Variants in PARD3B observed in about 807,000 individuals in gnomAD.
PARD3B encodes partitioning defective 3 homolog B.
A neutral mutation model predicts 130.2 loss-of-function variants in PARD3B; 103 were observed. That is an observed-to-expected ratio of 0.79 (90% CI 0.67 to 0.93). The LOEUF (loss-of-function observed/expected upper bound fraction) is 0.93, where lower values mean the gene tolerates loss of function less well. Ranked by LOEUF, PARD3B falls within the 40% of genes least tolerant of loss-of-function variation. The pLI is 0.00. For missense variants in PARD3B, 1,609 were observed against 1,499.2 expected, an observed-to-expected ratio of 1.07 and a Z score of -1.21; for synonymous variants, 583 against 553.2, an observed-to-expected ratio of 1.05 and a Z score of -0.76.
chr2:205,118,963 G>A lies in PARD3B; in HGVS notation c.723G>A (p.Arg241=), dbSNP rs753070710. Residue 241 remains arginine, a synonymous_variant, in exon 7 of 23, where the codon AGG becomes AGA. Coordinates refer to ENST00000406610, the MANE Select transcript of PARD3B (RefSeq NM_001302769.2). ...LFIRGIEDNS[R]SKREGLFHEN... ...TCCGAGGCATTGAAGACAACAGCAG[G>A]TCCAAGCGGGAGGGACTATTTCACG... The A allele has an allele frequency of 1.2e-6, 2 of 1,612,036 alleles. No individual in the cohort carries two copies. The highest frequency in any genetic ancestry group is 3.4e-5 in the Admixed American group (2 of 59,696).
chr2:205,537,647 T>C (rs2051922851), intron 21 of PARD3B, among the ~76,000 whole-genome samples: 1 of 152,154 alleles, frequency 6.6e-6, no homozygotes, highest in African/African-American at 2.4e-5. Context: ...AGGTCAGTAG[T>C]TGGAGATGGA....
At chr2:204,562,443 C>T (rs189140413) in intron 1 of PARD3B, among the ~76,000 whole-genome samples, 3 of 152,242 alleles carry the variant, frequency 2.0e-5, no homozygotes, top group Admixed American at 1.3e-4. Context: ...GATTATAATG[C>T]CACGTACCTT....
chr2:205,085,569 T>G (rs1701693843), intron 4 of PARD3B, among the ~76,000 whole-genome samples: 1 of 152,046 alleles, frequency 6.6e-6, no homozygotes, highest in South Asian at 2.1e-4. Context: ...CATGATATGA[T>G]TTTTTCCTTT....
At chr2:204,747,890 T>C (rs1320056603) in intron 2 of PARD3B, among the ~76,000 whole-genome samples, 4 of 152,124 alleles carry the variant, frequency 2.6e-5, no homozygotes, top group African/African-American at 9.7e-5. Context: ...TCGCATTTAC[T>C]AGGCTTAGGC....
At chr2:205,557,359 A>G (rs2052936008) in intron 22 of PARD3B, among the ~76,000 whole-genome samples, 1 of 152,196 alleles carries the variant, frequency 6.6e-6, no homozygotes, top group African/African-American at 2.4e-5. Flanking sequence ...AGTTCTACGA[A>G]GATGACTAAA....
chr2:204,685,146 C>T (rs555356062), intron 1 of PARD3B, among the ~76,000 whole-genome samples: 1 of 152,236 alleles, frequency 6.6e-6, no homozygotes, highest in South Asian at 2.1e-4. Context: ...GTTCTTATCC[C>T]TAATAAAGAT....
chr2:204,742,911 A>G (rs1250798960), intron 2 of PARD3B, among the ~76,000 whole-genome samples: 1 of 152,212 alleles, frequency 6.6e-6, no homozygotes, highest in African/African-American at 2.4e-5. Context: ...TGTTTTAACA[A>G]GTAAAAGAGA....
At chr2:205,087,313 T>C (rs1701797898) in intron 4 of PARD3B, among the ~76,000 whole-genome samples, 1 of 152,216 alleles carries the variant, frequency 6.6e-6, no homozygotes. Flanking sequence ...AAAACTGTCA[T>C]CCTTCTTTGT....
intron 6 of PARD3B, among the ~76,000 whole-genome samples, chr2:205,117,938 T>TACACACACACAC (rs1366473096): frequency 9.3e-6 from 1 of 107,694 alleles, no homozygotes; most frequent in African/African-American, 3.2e-5. Flanking sequence ...CACACACACA[T>TACACACACACAC]ACACACACAC....
At chr2:205,390,887 A>C (rs964502536) in intron 18 of PARD3B, among the ~76,000 whole-genome samples, 1 of 152,264 alleles carries the variant, frequency 6.6e-6, no homozygotes, top group Non-Finnish European at 1.5e-5. Context: ...TAGAGACTGC[A>C]GATGAGGCCT....
chr2:205,304,003 G>A (rs1019822889), intron 18 of PARD3B, among the ~76,000 whole-genome samples: 1 of 152,194 alleles, frequency 6.6e-6, no homozygotes, highest in African/African-American at 2.4e-5. Context: ...CACCTCTTAT[G>A]AAACCCTTAG....
intron 20 of PARD3B, among the ~76,000 whole-genome samples, chr2:205,493,493 C>T (rs1359475947): frequency 1.3e-5 from 2 of 151,968 alleles, no homozygotes; most frequent in Non-Finnish European, 2.9e-5. Context: ...ACATAATTAA[C>T]AATCTTAAAG....
At chr2:204,851,989 A>G (rs1486813026) in intron 2 of PARD3B, among the ~76,000 whole-genome samples, 1 of 152,168 alleles carries the variant, frequency 6.6e-6, no homozygotes, top group African/African-American at 2.4e-5. Flanking sequence ...CGCCACACCC[A>G]GCTGACAATC....
rs539820117 is a variant in PARD3B at position 205,190,077 on chromosome 2, C to A, written c.2025-3128C>A. 1.2e-4 allele frequency among the ~76,000 whole-genome samples: 19 copies of A among 152,210 alleles called. No homozygotes were observed. In the South Asian group the frequency reaches 4.0e-3, roughly 32 times the overall value. Reference sequence around the variant, plus strand: ...TTCTTTGATCCTTCTTGATTATATGCCAACATTTGTATAAAAGTTCACTTT... The same window carrying A: ...TTCTTTGATCCTTCTTGATTATATGACAACATTTGTATAAAAGTTCACTTT... On this transcript the variant is annotated intron_variant, in intron 14 of 22. Coordinates refer to ENST00000406610, the MANE Select transcript of PARD3B (RefSeq NM_001302769.2).
intron 1 of PARD3B, among the ~76,000 whole-genome samples, chr2:204,657,588 C>G (rs1235962117): frequency 6.6e-6 from 1 of 152,124 alleles, no homozygotes; most frequent in African/African-American, 2.4e-5. Context: ...GGACTGAATT[C>G]TTAGCTTTAT....
chr2:204,751,862 C>T (rs763043334), intron 2 of PARD3B, among the ~76,000 whole-genome samples: 9 of 152,160 alleles, frequency 5.9e-5, no homozygotes, highest in Non-Finnish European at 1.2e-4. Flanking sequence ...AATGTAATCA[C>T]TGACTTAAAA....
chr2:204,563,234 T>G (rs1174748975), intron 1 of PARD3B, among the ~76,000 whole-genome samples: 1 of 144,430 alleles, frequency 6.9e-6, no homozygotes, highest in African/African-American at 2.7e-5. Context: ...TCTCTCTCTC[T>G]CTCTCTCTCT....
intron 22 of PARD3B, among the ~76,000 whole-genome samples, chr2:205,566,683 A>G (rs1203501311): frequency 6.6e-6 from 1 of 152,168 alleles, no homozygotes; most frequent in Non-Finnish European, 1.5e-5. Context: ...GCAATGGCTG[A>G]TCCAGGATAT....
Position 205,530,672 on chromosome 2 carries a change from A to C in PARD3B, c.3181-22652A>C, listed in dbSNP as rs2106428749. Among the ~76,000 whole-genome samples, 1 of 151,622 alleles carries C rather than the reference A, an allele frequency of 6.6e-6. No individual in the cohort carries two copies. The highest frequency in any genetic ancestry group is 2.4e-5 in the African/African-American group (1 of 40,962). On this transcript the variant is annotated intron_variant, in intron 21 of 22. Transcript: ENST00000406610. This position sits in a 1 kb window ranked among gnomAD's most constrained non-coding sequence, Gnocchi z 4.7. ...TGTCTCTGGCGTGTGTGTGGTTAGC[A>C]GGGTAAGAGCTAACTTGGATTCCTT... is the stretch of plus-strand genomic sequence containing the variant.
Sources: allele counts gnomAD v4.1 joint callset (sites outside exome capture counted in the v4.1 genomes callset), GRCh38; gene constraint gnomAD v4.1.1; non-coding constraint Gnocchi (gnomAD v3.1); transcripts MANE v1.5; gene names NCBI Gene and HGNC (gene_info 2026-07-23, HGNC 2026-07-21).